The following ROBO1 variants were observed in gnomAD, a reference collection of about 807,000 sequenced individuals.
ROBO1 encodes roundabout homolog 1.
A neutral mutation model predicts 195.9 loss-of-function variants in ROBO1; 149 were observed. That is an observed-to-expected ratio of 0.76 (90% confidence interval 0.67 to 0.87). The LOEUF is 0.87. Ranked by LOEUF, ROBO1 falls within the 40% of genes least tolerant of loss-of-function variation. The pLI is 0.00. For missense variants in ROBO1, 1,933 were observed against 2,068.3 expected, an observed-to-expected ratio of 0.93 and a Z score of 1.27; for synonymous variants, 816 against 733.2, an observed-to-expected ratio of 1.11 and a Z score of -1.82.
At chr3:78,645,762 T>C (rs1559690019) in intron 21 of ROBO1, among the ~76,000 whole-genome samples, 1 of 152,136 alleles carries the variant, frequency 6.6e-6, no homozygotes, top group Non-Finnish European at 1.5e-5. Flanking sequence ...CTACAACTTA[T>C]GAGCAATTGC....
intron 10 of ROBO1, among the ~76,000 whole-genome samples, chr3:78,682,979 T>G (rs2107805999): frequency 6.6e-6 from 1 of 152,168 alleles, no homozygotes; most frequent in Middle Eastern, 3.4e-3. Flanking sequence ...TTATACATTT[T>G]ATTTCTTTTA....
intron 2 of ROBO1, among the ~76,000 whole-genome samples, chr3:79,540,978 CT>C (rs1942045856): frequency 6.6e-6 from 1 of 151,920 alleles, no homozygotes; most frequent in African/African-American, 2.4e-5. Context: ...TTTTTTTAGA[CT>C]TAATAGATGA....
chr3:79,450,543 T>C (rs2039408363), intron 2 of ROBO1, among the ~76,000 whole-genome samples: 1 of 152,070 alleles, frequency 6.6e-6, no homozygotes, highest in Admixed American at 6.6e-5. Context: ...TACATACAAA[T>C]AGAATTCATC....
At chr3:79,231,957 T>G (rs926275869) in intron 2 of ROBO1, among the ~76,000 whole-genome samples, 1 of 151,966 alleles carries the variant, frequency 6.6e-6, no homozygotes, top group Non-Finnish European at 1.5e-5. Context: ...AGCAAACTAA[T>G]GCAGAAACAG....
At chr3:78,769,220 T>C (rs1321109434) in intron 4 of ROBO1, among the ~76,000 whole-genome samples, 1 of 152,154 alleles carries the variant, frequency 6.6e-6, no homozygotes, top group Non-Finnish European at 1.5e-5. Context: ...CTATTAGTAA[T>C]TGTTTTATAA....
intron 2 of ROBO1, among the ~76,000 whole-genome samples, chr3:79,304,142 A>G (rs892274483): frequency 6.6e-6 from 1 of 152,224 alleles, no homozygotes; most frequent in Non-Finnish European, 1.5e-5. Context: ...AGTTAATAAA[A>G]ACAAAAGAAG....
intron 2 of ROBO1, among the ~76,000 whole-genome samples, chr3:79,563,212 A>C (rs910201452): frequency 6.6e-6 from 1 of 152,090 alleles, no homozygotes. Flanking sequence ...TGTAGCACAC[A>C]AAACTACTTG....
chr3:78,626,581 CA>C (rs956304047), intron 26 of ROBO1, among the ~76,000 whole-genome samples: 3 of 151,480 alleles, frequency 2.0e-5, no homozygotes, highest in Non-Finnish European at 2.9e-5. Flanking sequence ...GTGTCAAGGG[CA>C]AAAAAACAGT....
Position 78,668,508 on chromosome 3 carries a change from A to C in ROBO1, c.1606T>G (p.Trp536Gly). 6.2e-7 allele frequency: 1 copy of C among 1,613,868 alleles called. No individual in the cohort carries two copies. The highest frequency in any genetic ancestry group is 1.3e-5 in the African/African-American group (1 of 75,038). The change falls in exon 12 of 31, where the codon TGG (tryptophan) becomes GGG (glycine). Residue 536 changes from tryptophan (W) to glycine (G), a missense_variant. By Grantham distance (184) the Trp-to-Gly change is radical. Around this residue, in one of 3 missense-constraint regions of ROBO1, gnomAD observed 1,737 missense variants for 1,882.5 expected, o/e 0.92. Coordinates refer to ENST00000464233, the MANE Select transcript of ROBO1 (RefSeq NM_002941.4). ...IASTPSGEAT[W>G]SAYIEVQEFG... is the part of the protein sequence containing the mutation. ...CCTTGAACTTCAATGTAAGCACTCC[A>C]TGTTGCTTCACCACTGGGGGTTGAT...
rs781053897 is a variant in ROBO1 at position 78,635,795 on chromosome 3, C to G, written c.3351G>C (p.Val1117=). 2 of 1,613,704 alleles carry G rather than the reference C, an allele frequency of 1.2e-6. No homozygotes were observed. The highest frequency in any genetic ancestry group is 1.7e-6 in the Non-Finnish European group (2 of 1,179,746). ...QEVAPVQYNI[V]EQNKLNKDYR... ...CACCTTTGTTCAGCTTGTTTTGCTC[C>G]ACGATGTTGTACTGAACTGGTGCCA... The change falls in exon 23 of 31, where the codon GTG becomes GTC. Residue 1117 remains valine (V), a synonymous_variant. Coordinates refer to ENST00000464233, the MANE Select transcript of ROBO1 (RefSeq NM_002941.4).
At chr3:79,647,182 G>A (rs922161145) in intron 1 of ROBO1, among the ~76,000 whole-genome samples, 59 of 151,794 alleles carry the variant, frequency 3.9e-4, no homozygotes, top group Middle Eastern at 3.4e-3. Flanking sequence ...TATCACATGT[G>A]CCCAGAAAAT....
intron 3 of ROBO1, among the ~76,000 whole-genome samples, chr3:78,939,257 T>C (rs181322618): frequency 6.6e-6 from 1 of 152,294 alleles, no homozygotes; most frequent in East Asian, 1.9e-4. Flanking sequence ...GGAATGTGTT[T>C]ATTACAAATA....
intron 8 of ROBO1, among the ~76,000 whole-genome samples, chr3:78,704,809 G>A (rs994626794): frequency 2.0e-5 from 3 of 152,026 alleles, no homozygotes; most frequent in Admixed American, 6.6e-5. Context: ...GCCACTGCAC[G>A]CTAACCTGGG....
rs563279923 is a variant in ROBO1 at position 79,019,449 on chromosome 3, C to T, written c.173-80522G>A. The T allele has an allele frequency of 1.8e-3, 1,805 of 986,290 alleles. 3 individuals carry two copies. Among genetic ancestry groups the T allele is most frequent in the Non-Finnish European group, 2.1e-3 (1,757 of 830,058 alleles). The allele number at this position is 986,290 out of a possible 1,614,324, so 61.1% of individuals were successfully genotyped here. Reference sequence around the variant, plus strand: ...TTTCTGCTCTCACGCTGCCTCCTCTCCAGCTCAATTGCTTGTGGGTTTCCC... The same window carrying T: ...TTTCTGCTCTCACGCTGCCTCCTCTTCAGCTCAATTGCTTGTGGGTTTCCC... On this transcript the variant is annotated intron_variant, in intron 3 of 30. Transcript: ENST00000464233.
intron 5 of ROBO1, among the ~76,000 whole-genome samples, chr3:78,741,230 T>C (rs2082526331): frequency 6.6e-6 from 1 of 152,226 alleles, no homozygotes; most frequent in Admixed American, 6.5e-5. Context: ...CTGCAATTCC[T>C]GCAGCTACCA....
chr3:78,776,254 A>C (rs1374235357), intron 4 of ROBO1, among the ~76,000 whole-genome samples: 4 of 151,886 alleles, frequency 2.6e-5, no homozygotes, highest in African/African-American at 7.3e-5. Context: ...TTATTTATTT[A>C]TTTATTTATT....
At chr3:79,148,859 A>G (rs2080708190) in intron 2 of ROBO1, among the ~76,000 whole-genome samples, 1 of 151,934 alleles carries the variant, frequency 6.6e-6, no homozygotes, top group South Asian at 2.1e-4. Flanking sequence ...GTGATCAATA[A>G]TTAAAATTTA....
chr3:79,337,683 C>T (rs759063133), intron 2 of ROBO1, among the ~76,000 whole-genome samples: 1 of 152,144 alleles, frequency 6.6e-6, no homozygotes, highest in Non-Finnish European at 1.5e-5. Context: ...TATAGCTATA[C>T]TTTATCAAAA....
chr3:78,965,209 CA>C (rs1399944831), intron 3 of ROBO1, among the ~76,000 whole-genome samples: 1 of 151,952 alleles, frequency 6.6e-6, no homozygotes, highest in Non-Finnish European at 1.5e-5. Context: ...TCTTCTAAAA[CA>C]ATTTCCCTTG....
Sources: allele counts gnomAD v4.1 joint callset (sites outside exome capture counted in the v4.1 genomes callset), GRCh38; gene constraint gnomAD v4.1.1; regional missense constraint gnomAD v4.1.1; transcripts MANE v1.5; gene names NCBI Gene and HGNC (gene_info 2026-07-23, HGNC 2026-07-21).